Variants in TRAPPC9 observed in about 807,000 individuals in gnomAD.
The protein encoded by TRAPPC9 is trafficking protein particle complex subunit 9, also known as IKK2 binding protein.
In TRAPPC9, 83 loss-of-function variants were observed where a neutral mutation model predicts 124.0. The ratio of observed to expected loss-of-function variants is 0.67; its 90% CI spans 0.56 to 0.80. The LOEUF is 0.80. Ranked by LOEUF, TRAPPC9 falls within the 30% of genes least tolerant of loss-of-function variation. The pLI is 0.00. For synonymous variants in TRAPPC9, 638 were observed against 617.5 expected (o/e 1.03, Z -0.49); for missense variants, 1,302 against 1,508.3 (o/e 0.86, Z 2.27).
chr8:139,876,281 G>A (rs962577674), intron 21 of TRAPPC9, among the ~76,000 whole-genome samples: 1 of 152,194 alleles, frequency 6.6e-6, no homozygotes, highest in African/African-American at 2.4e-5. Flanking sequence ...ACTCCTGAAC[G>A]GAGCTGGCTC....
At chr8:139,992,886 A>G (rs1365775300) in intron 18 of TRAPPC9, among the ~76,000 whole-genome samples, 1 of 152,112 alleles carries the variant, frequency 6.6e-6, no homozygotes, top group Non-Finnish European at 1.5e-5. Flanking sequence ...ACCTCACATC[A>G]TATATAAAAA....
At chr8:140,218,833 G>A (rs187526076) in intron 17 of TRAPPC9, among the ~76,000 whole-genome samples, 109 of 152,204 alleles carry the variant, frequency 7.2e-4, no homozygotes, top group African/African-American at 2.5e-3. Context: ...GGTGGCGCAC[G>A]CCTGTAATTC....
At chr8:139,976,279 T>A (rs1399469633) in intron 19 of TRAPPC9, among the ~76,000 whole-genome samples, 1 of 152,088 alleles carries the variant, frequency 6.6e-6, no homozygotes, top group Non-Finnish European at 1.5e-5. Context: ...ACACAAAAAA[T>A]TAGCTCAAAA....
rs540489210 is a variant in TRAPPC9 at position 139,809,368 on chromosome 8, C to T, written c.3055+76511G>A. The stretch of plus-strand genomic sequence containing the variant: ...TAGGCATGCCTAGAGGCTGACAGTG[C>T]TGGAGAGGGAGGAGACTGCGAACTG... On this transcript the variant is annotated intron_variant, in intron 21 of 22. Coordinates refer to ENST00000438773, the MANE Select transcript of TRAPPC9 (RefSeq NM_001160372.4). 3.3e-5 allele frequency among the ~76,000 whole-genome samples: 5 copies of T among 152,046 alleles called. No homozygotes were observed. In the South Asian group the frequency reaches 6.2e-4, roughly 19 times the overall value.
At chr8:139,936,091 C>T (rs898802347) in intron 19 of TRAPPC9, among the ~76,000 whole-genome samples, 23 of 152,362 alleles carry the variant, frequency 1.5e-4, no homozygotes, top group African/African-American at 4.8e-4. Context: ...ACCTGCTCCA[C>T]GCCTGTTGGC....
intron 10 of TRAPPC9, among the ~76,000 whole-genome samples, chr8:140,304,992 T>C (rs1310122637): frequency 6.6e-6 from 1 of 152,182 alleles, no homozygotes; most frequent in Non-Finnish European, 1.5e-5. Flanking sequence ...TAGATCTTCA[T>C]GGGGATGTTG....
At chr8:139,793,873 G>T (rs967928891) in intron 21 of TRAPPC9, among the ~76,000 whole-genome samples, 2 of 152,146 alleles carry the variant, frequency 1.3e-5, no homozygotes, top group African/African-American at 4.8e-5. Context: ...AAATAAAATG[G>T]AAAGTCTCTC....
intron 17 of TRAPPC9, among the ~76,000 whole-genome samples, chr8:140,191,049 AGGGTGGG>A (rs1365573281): frequency 2.0e-5 from 3 of 152,100 alleles, no homozygotes; most frequent in African/African-American, 7.2e-5. Context: ...AGATTAGGAG[AGGGTGGG>A]GGTTACAATA....
intron 17 of TRAPPC9, among the ~76,000 whole-genome samples, chr8:140,169,685 G>A (rs1055590581): frequency 3.9e-5 from 6 of 152,172 alleles, no homozygotes; most frequent in African/African-American, 9.7e-5. Context: ...ATATGATTCC[G>A]TTTATAGGAA....
chr8:140,140,134 C>A (rs989328620), intron 17 of TRAPPC9, among the ~76,000 whole-genome samples: 1 of 152,152 alleles, frequency 6.6e-6, no homozygotes, highest in African/African-American at 2.4e-5. Flanking sequence ...GGCAGGGAAC[C>A]AGTCAAGGGC....
At chr8:140,179,401 C>T (rs1416785260) in intron 17 of TRAPPC9, among the ~76,000 whole-genome samples, 1 of 152,032 alleles carries the variant, frequency 6.6e-6, no homozygotes, top group Non-Finnish European at 1.5e-5. Flanking sequence ...CTTAATGTTA[C>T]TGAGTTTTAA....
intron 17 of TRAPPC9, among the ~76,000 whole-genome samples, chr8:140,089,376 C>T (rs568676583): frequency 1.3e-5 from 2 of 152,274 alleles, no homozygotes; most frequent in South Asian, 4.1e-4. Context: ...TTAGAAAGAC[C>T]ATAGGGTATA....
chr8:139,877,723 G>A (rs1326090086), intron 21 of TRAPPC9, among the ~76,000 whole-genome samples: 1 of 152,172 alleles, frequency 6.6e-6, no homozygotes, highest in Non-Finnish European at 1.5e-5. Flanking sequence ...TGAGGAACAT[G>A]CTCTCTGCTG....
At chr8:140,264,637 G>A (rs573547090) in intron 15 of TRAPPC9, among the ~76,000 whole-genome samples, 2 of 151,684 alleles carry the variant, frequency 1.3e-5, no homozygotes, top group East Asian at 3.9e-4. Context: ...CGGAGGGGGA[G>A]GGCAGGGGAG....
At chr8:140,258,876 G>A (rs1332592064) in intron 15 of TRAPPC9, among the ~76,000 whole-genome samples, 4 of 152,180 alleles carry the variant, frequency 2.6e-5, no homozygotes, top group East Asian at 1.9e-4. Context: ...CAGGGGTCCT[G>A]GCCAACCTCC....
chr8:140,209,275 G>A (rs560508468), intron 17 of TRAPPC9, among the ~76,000 whole-genome samples: 2 of 152,250 alleles, frequency 1.3e-5, no homozygotes, highest in South Asian at 2.1e-4. Context: ...CAGGAACGTC[G>A]CCTTGTTCAC....
rs1466297217 is a variant in TRAPPC9 at position 139,788,864 on chromosome 8, G to A, written c.3056-56662C>T. On this transcript the variant is annotated intron_variant, in intron 21 of 22. Coordinates refer to ENST00000438773, the MANE Select transcript of TRAPPC9 (RefSeq NM_001160372.4). The surrounding 1 kb of genome is among the most constrained non-coding windows in gnomAD (Gnocchi z 4.9). The stretch of plus-strand genomic sequence containing the variant: ...TCAGAAACAAAACAAGATATTGAGG[G>A]CCAGCACAGGGGCCCTGTTGCCAAC... 1.3e-5 allele frequency among the ~76,000 whole-genome samples: 2 copies of A among 152,172 alleles called. No homozygotes were observed. Among genetic ancestry groups the A allele is most frequent in the Non-Finnish European group, 2.9e-5 (2 of 68,040 alleles).
intron 21 of TRAPPC9, among the ~76,000 whole-genome samples, chr8:139,778,363 A>C (rs947397711): frequency 5.9e-5 from 9 of 152,230 alleles, no homozygotes; most frequent in Non-Finnish European, 1.3e-4. Context: ...AGATATTTAT[A>C]GCCAGCACCC....
chr8:140,079,470 C>T (rs1381014145), intron 17 of TRAPPC9, among the ~76,000 whole-genome samples: 1 of 152,072 alleles, frequency 6.6e-6, no homozygotes, highest in Non-Finnish European at 1.5e-5. Flanking sequence ...ACCAGAGAGG[C>T]CACAAGCAGC....
Sources: allele counts gnomAD v4.1 joint callset (sites outside exome capture counted in the v4.1 genomes callset), GRCh38; gene constraint gnomAD v4.1.1; non-coding constraint Gnocchi (gnomAD v3.1); transcripts MANE v1.5; gene names NCBI Gene and HGNC (gene_info 2026-07-23, HGNC 2026-07-21).